The following NOL4 variants were observed in gnomAD, a reference collection of about 807,000 sequenced individuals.
NOL4 encodes nucleolar protein 4.
NOL4 carries 17 observed loss-of-function variants against 75.9 expected under a neutral mutation model. The ratio of observed to expected loss-of-function variants is 0.22; its 90% CI spans 0.15 to 0.34. The LOEUF (loss-of-function observed/expected upper bound fraction) is 0.34, where lower values mean the gene tolerates loss of function less well. Among genes scored for constraint, NOL4 ranks in the 10% least tolerant of loss-of-function variants. NOL4 has a pLI of 1.00. For synonymous variants in NOL4, 292 were observed against 289.9 expected, an observed-to-expected ratio of 1.01 and a Z score of -0.07; for missense variants, 614 against 793.5, an observed-to-expected ratio of 0.77 and a Z score of 2.72.
chr18:33,966,880 A>G (rs1236481631), intron 6 of NOL4, among the ~76,000 whole-genome samples: 10 of 152,220 alleles, frequency 6.6e-5, no homozygotes, highest in Admixed American at 5.9e-4. Context: ...GGAAGAATCA[A>G]TCTCATTAAA....
intron 5 of NOL4, among the ~76,000 whole-genome samples, chr18:34,079,493 C>A (rs535480582): frequency 8.0e-4 from 121 of 152,094 alleles, no homozygotes; most frequent in African/African-American, 2.8e-3. Context: ...CTGAACCCTT[C>A]AGGTGCCATG....
chr18:34,052,316 ACTTT>A (rs1568277530), intron 5 of NOL4, among the ~76,000 whole-genome samples: 1 of 152,038 alleles, frequency 6.6e-6, no homozygotes. Context: ...AATTGCCCTT[ACTTT>A]GACACCATTG....
intron 2 of NOL4, among the ~76,000 whole-genome samples, chr18:34,118,066 T>C (rs936371343): frequency 2.0e-5 from 3 of 152,212 alleles, no homozygotes; most frequent in Admixed American, 6.5e-5. Context: ...ATTGTGCTCC[T>C]TTTCAGATAC....
intron 5 of NOL4, among the ~76,000 whole-genome samples, chr18:34,029,486 A>C (rs2075524223): frequency 6.6e-6 from 1 of 152,194 alleles, no homozygotes; most frequent in South Asian, 2.1e-4. Flanking sequence ...TCACAGGGGC[A>C]TATCCTTGGC....
chr18:33,998,333 T>C (rs1159477749), intron 6 of NOL4, among the ~76,000 whole-genome samples: 1 of 152,086 alleles, frequency 6.6e-6, no homozygotes, highest in African/African-American at 2.4e-5. Flanking sequence ...GGTTAGCCAA[T>C]TCCCTTTCAA....
intron 8 of NOL4, among the ~76,000 whole-genome samples, chr18:33,946,302 C>G (rs2068829934): frequency 1.3e-5 from 2 of 151,588 alleles, no homozygotes; most frequent in Admixed American, 1.3e-4. Context: ...TTAATAATAT[C>G]TAACTCTTAT....
At chr18:33,925,578 T>C (rs2067276953) in intron 9 of NOL4, among the ~76,000 whole-genome samples, 1 of 152,206 alleles carries the variant, frequency 6.6e-6, no homozygotes, top group Non-Finnish European at 1.5e-5. Flanking sequence ...TAATGTGACT[T>C]TCTGAGTTCT....
chr18:34,174,759 T>C (rs1156405077), intron 1 of NOL4, among the ~76,000 whole-genome samples: 1 of 152,104 alleles, frequency 6.6e-6, no homozygotes, highest in African/African-American at 2.4e-5. Flanking sequence ...CTACCACTTA[T>C]GAGTGAGAAC....
Position 33,936,407 on chromosome 18 carries a change from G to GTT in NOL4, c.1542+6656_1542+6657dup, listed in dbSNP as rs11350261. Among the ~76,000 whole-genome samples the GTT allele has an allele frequency of 1.4e-3, 181 of 124,836 alleles. 1 individual carries two copies. Among genetic ancestry groups the GTT allele is most frequent in the Middle Eastern group, 8.5e-3 (2 of 236 alleles). The allele number at this position is 124,836 out of a possible 152,430, so 81.9% of individuals were successfully genotyped here. The stretch of plus-strand genomic sequence containing the variant: ...GTTCATGCTGGTTAATTAGCAGTGA[G>GTT]TTTTTTTTTTTTTTTTTTGGTAACT... On this transcript the variant is annotated intron_variant, in intron 9 of 10. Transcript: ENST00000261592.
rs1434720994 is a variant in NOL4, at chr18:34,129,847, T to A, written c.414+24A>T. On this transcript the variant is annotated intron_variant, in intron 2 of 10. Coordinates refer to ENST00000261592, the MANE Select transcript of NOL4 (RefSeq NM_003787.5). ...ATATCAAGTCTCGAAATGCATGCTC[T>A]TTTTTTTTTCTTTTTTAACTTACTG... 3 of 1,382,420 alleles carry A rather than the reference T, an allele frequency of 2.2e-6. No individual in the cohort carries two copies. In the South Asian group the frequency reaches 4.7e-5, roughly 22 times the overall value. The allele number at this position is 1,382,420 out of a possible 1,614,324, so 85.6% of individuals were successfully genotyped here.
rs1261546835 is a variant in NOL4 at position 34,203,717 on chromosome 18, T to TCTCTCTCTCACACACA, written c.264+19272_264+19273insTGTGTGTGAGAGAGAG. The stretch of plus-strand genomic sequence containing the variant: ...CTCTCTCTCTCTCTCTCTCTCTCTC[T>TCTCTCTCTCACACACA]CACACACACACACACACACACACAC... On this transcript the variant is annotated intron_variant, in intron 1 of 10. Transcript: ENST00000261592. Among the ~76,000 whole-genome samples, 52 of 72,290 alleles carry TCTCTCTCTCACACACA rather than the reference T, an allele frequency of 7.2e-4. 1 individual carries two copies. Among genetic ancestry groups the TCTCTCTCTCACACACA allele is most frequent in the East Asian group, 4.0e-3 (8 of 1,984 alleles). The allele number at this position is 72,290 out of a possible 152,430, so 47.4% of individuals were successfully genotyped here.
chr18:33,938,773 T>C (rs945085087), intron 9 of NOL4, among the ~76,000 whole-genome samples: 3 of 152,192 alleles, frequency 2.0e-5, no homozygotes, highest in African/African-American at 7.2e-5. Flanking sequence ...AGAAGCTCTT[T>C]AGTTTAATTA....
chr18:33,943,683 GT>G (rs1228307882), intron 8 of NOL4, among the ~76,000 whole-genome samples: 1 of 151,608 alleles, frequency 6.6e-6, no homozygotes, highest in Non-Finnish European at 1.5e-5. Context: ...GATTACAATG[GT>G]TTTAAATATA....
chr18:34,148,783 G>A (rs1600726819), intron 1 of NOL4, among the ~76,000 whole-genome samples: 1 of 151,816 alleles, frequency 6.6e-6, no homozygotes, highest in East Asian at 1.9e-4. Flanking sequence ...TGTATGTCTT[G>A]TTGATCTGTC....
intron 1 of NOL4, among the ~76,000 whole-genome samples, chr18:34,153,869 G>A (rs988432912): frequency 5.3e-5 from 8 of 151,952 alleles, no homozygotes; most frequent in Non-Finnish European, 1.2e-4. Flanking sequence ...CCCAGACATT[G>A]CTATTTCCCA....
Position 33,943,145 on chromosome 18 carries a change from C to G in NOL4, c.1462G>C (p.Val488Leu), listed in dbSNP as rs955933730. The G allele has an allele frequency of 1.9e-6, 3 of 1,609,846 alleles. No individual in the cohort carries two copies. Among genetic ancestry groups the G allele is most frequent in the Non-Finnish European group, 1.7e-6 (2 of 1,178,334 alleles). ...RPIPSHLTSA[V>L]AESILASACE... is the part of the protein sequence containing the mutation. The stretch of plus-strand genomic sequence containing the variant: ...GCTGAAGCCAAGATACTCTCTGCAA[C>G]TGCTGAAGTAAGGTGGGAAGGAATA... Residue 488 changes from valine (V) to leucine (L), a missense_variant, in exon 9 of 11, where the codon GTT becomes CTT. Around this residue, in one of 9 missense-constraint regions of NOL4, gnomAD observed 52 missense variants for 121.1 expected, o/e 0.43. Transcript: ENST00000261592.
intron 5 of NOL4, among the ~76,000 whole-genome samples, chr18:34,068,047 TAAGA>T (rs748867215): frequency 6.6e-6 from 1 of 151,866 alleles, no homozygotes; most frequent in Non-Finnish European, 1.5e-5. Flanking sequence ...GAGAAAAAAT[TAAGA>T]AAGAAAATGA....
chr18:34,093,043 C>G (rs1326839844), intron 5 of NOL4, among the ~76,000 whole-genome samples: 1 of 152,088 alleles, frequency 6.6e-6, no homozygotes, highest in African/African-American at 2.4e-5. Flanking sequence ...TCTAGTGATT[C>G]TTAGTTGAAA....
intron 6 of NOL4, among the ~76,000 whole-genome samples, chr18:33,981,779 A>C (rs2145987465): frequency 6.6e-6 from 1 of 152,232 alleles, no homozygotes; most frequent in Non-Finnish European, 1.5e-5. Context: ...AGGTCAAATA[A>C]AAATATTTTT....
Sources: allele counts gnomAD v4.1 joint callset (sites outside exome capture counted in the v4.1 genomes callset), GRCh38; gene constraint gnomAD v4.1.1; regional missense constraint gnomAD v4.1.1; transcripts MANE v1.5; gene names NCBI Gene and HGNC (gene_info 2026-07-23, HGNC 2026-07-21).